PDE12: variants seen among roughly 807,000 people sequenced by gnomAD.
PDE12 encodes phosphodiesterase 12, also known as 2',5'-phosphodiesterase 12.
In PDE12, 26 loss-of-function variants were observed where a neutral mutation model predicts 45.4. The observed-to-expected ratio is 0.57, with a 90% CI of 0.42 to 0.79. The LOEUF (loss-of-function observed/expected upper bound fraction) is 0.79, where lower values mean the gene tolerates loss of function less well. PDE12 is among the 30% of genes least tolerant of loss of function. The pLI, the probability that PDE12 is intolerant of heterozygous loss-of-function variation, is 0.00. For missense variants in PDE12, 668 were observed against 790.0 expected (o/e 0.85, Z 1.85); for synonymous variants, 283 against 323.9 (o/e 0.87, Z 1.36).
chr3:57,577,375 C>T, the PDE12 span: 1 of 1,609,818 alleles, frequency 6.2e-7, no homozygotes, highest in Non-Finnish European at 8.5e-7. Flanking sequence ...CTATCTACCA[C>T]AAAAATAAGA....
At chr3:57,589,650 G>A in the PDE12 span, among the ~76,000 whole-genome samples, 2 of 151,428 alleles carry the variant, frequency 1.3e-5, no homozygotes, top group South Asian at 2.1e-4. Context: ...CCCGGGAGGT[G>A]GAGGTTACAG....
the PDE12 span, among the ~76,000 whole-genome samples, chr3:57,601,720 A>C: frequency 1.4e-5 from 2 of 145,970 alleles, no homozygotes; most frequent in Non-Finnish European, 3.0e-5. Context: ...AGGAAACCAT[A>C]TCTCTTCCTT....
the PDE12 span, chr3:57,630,262 C>T: frequency 1.8e-6 from 1 of 566,882 alleles, no homozygotes; most frequent in Non-Finnish European, 2.9e-6. Context: ...CTATATAAAG[C>T]CCCTATAATG....
chr3:57,574,023 C>A, the PDE12 span, among the ~76,000 whole-genome samples: 1 of 152,040 alleles, frequency 6.6e-6, no homozygotes, highest in Non-Finnish European at 1.5e-5. Context: ...CTCACTGCAA[C>A]CTCTGCTGCC....
At chr3:57,592,623 TAGC>T in the PDE12 span, among the ~76,000 whole-genome samples, 22 of 152,292 alleles carry the variant, frequency 1.4e-4, no homozygotes, top group South Asian at 4.2e-3. Context: ...ATCAGTTAAT[TAGC>T]AGCAAATTAT....
the PDE12 span, among the ~76,000 whole-genome samples, chr3:57,591,421 T>C: frequency 2.0e-5 from 3 of 151,786 alleles, no homozygotes; most frequent in South Asian, 6.2e-4. Flanking sequence ...AAGAATGAAG[T>C]ACTAATATAC....
chr3:57,568,190 A>AG (rs2069803684), downstream of PDE12, among the ~76,000 whole-genome samples: 1 of 152,006 alleles, frequency 6.6e-6, no homozygotes, highest in South Asian at 2.1e-4. Context: ...TGGGCAAGGC[A>AG]GAGTGGCTCA....
the PDE12 span, among the ~76,000 whole-genome samples, chr3:57,645,364 G>A: frequency 6.6e-6 from 1 of 152,138 alleles, no homozygotes; most frequent in Admixed American, 6.5e-5. Flanking sequence ...AGGAGGCTGA[G>A]GCAGGAGACT....
the PDE12 span, chr3:57,645,858 A>T: frequency 2.7e-6 from 2 of 738,574 alleles, no homozygotes; most frequent in Non-Finnish European, 2.2e-6. Context: ...ACAAAGGGAT[A>T]CTTTGTTTAT....
At chr3:57,644,291 C>G in the PDE12 span, among the ~76,000 whole-genome samples, 1 of 151,874 alleles carries the variant, frequency 6.6e-6, no homozygotes, top group African/African-American at 2.4e-5. Flanking sequence ...CAGGAGAGAA[C>G]AGTATTAGAG....
chr3:57,614,523 GT>G, the PDE12 span, among the ~76,000 whole-genome samples: 14 of 132,042 alleles, frequency 1.1e-4, no homozygotes, highest in African/African-American at 1.7e-4. Context: ...CCTGTAATCC[GT>G]TTTTTTTTTT....
chr3:57,654,725 C>A, the PDE12 span: 1 of 984,934 alleles, frequency 1.0e-6, no homozygotes, highest in Non-Finnish European at 1.2e-6. Flanking sequence ...TGGAATAGAC[C>A]TTGACCTAGT....
chr3:57,634,800 T>A, the PDE12 span: 6 of 1,501,796 alleles, frequency 4.0e-6, no homozygotes, highest in African/African-American at 8.5e-5. Context: ...ATTTTTATAA[T>A]TATTCTAATC....
chr3:57,656,026 C>T, the PDE12 span, among the ~76,000 whole-genome samples: 3 of 152,150 alleles, frequency 2.0e-5, no homozygotes, highest in Admixed American at 1.3e-4. Flanking sequence ...GGGACACTCC[C>T]TCTTTTCATC....
Position 57,562,064 on chromosome 3 carries a change from A to T in PDE12, c.*2060A>T, listed in dbSNP as rs948075295. The T allele has an allele frequency of 1.4e-5, 14 of 981,392 alleles. No homozygotes were observed. In the African/African-American group the frequency reaches 2.3e-4, roughly 16 times the overall value. 60.8% of individuals were successfully genotyped at this position (981,392 alleles called of 1,614,324 possible). On this transcript the variant is annotated 3_prime_UTR_variant, in exon 3 of 3. Coordinates refer to ENST00000311180, the MANE Select transcript of PDE12 (RefSeq NM_177966.7). Reference sequence around the variant, plus strand: ...TGATTCTCTTGTGAATTTTTTTTTCATTTTAAAAATATGTTTTTGGGCTGT... The same window carrying T: ...TGATTCTCTTGTGAATTTTTTTTTCTTTTTAAAAATATGTTTTTGGGCTGT...
the PDE12 span, among the ~76,000 whole-genome samples, chr3:57,638,809 T>C: frequency 6.7e-6 from 1 of 149,060 alleles, no homozygotes; most frequent in Non-Finnish European, 1.5e-5. Flanking sequence ...TCAAAAAAAA[T>C]GAAAAATAAC....
chr3:57,559,414 G>A (rs759226265), intron 2 of PDE12, 26 bp downstream of exon 2: 2 of 1,584,132 alleles, frequency 1.3e-6, no homozygotes, highest in South Asian at 1.1e-5. Flanking sequence ...TATCACAAGT[G>A]ACTTAAACAC....
the PDE12 span, among the ~76,000 whole-genome samples, chr3:57,609,611 T>C: frequency 5.3e-5 from 8 of 152,232 alleles, no homozygotes; most frequent in East Asian, 1.3e-3. Context: ...AACACCTTTA[T>C]GAAAATAAAC....
At chr3:57,632,499 C>T in the PDE12 span, among the ~76,000 whole-genome samples, 1 of 152,100 alleles carries the variant, frequency 6.6e-6, no homozygotes, top group Non-Finnish European at 1.5e-5. Flanking sequence ...ATAAGCACTA[C>T]AGTAAAGTTT....
Sources: gnomAD v4.1 joint callset for allele counts (sites outside exome capture counted in the v4.1 genomes callset) on GRCh38, gnomAD v4.1.1 for gene constraint, MANE v1.5 for transcripts, NCBI Gene and HGNC (gene_info 2026-07-23, HGNC 2026-07-21) for gene names.